The following WDPCP variants were observed in gnomAD, a reference collection of about 807,000 sequenced individuals.
The protein encoded by WDPCP is WD repeat-containing and planar cell polarity effector protein fritz homolog.
Under a neutral mutation model 93.1 loss-of-function variants are expected in WDPCP, and 71 were observed. That is an observed-to-expected ratio of 0.76 (90% CI 0.63 to 0.93). The LOEUF (loss-of-function observed/expected upper bound fraction) is 0.93. Ranked by LOEUF, WDPCP falls within the 40% of genes least tolerant of loss-of-function variation. The pLI is 0.00. For synonymous variants in WDPCP, 315 were observed against 315.0 expected, an observed-to-expected ratio of 1.00 and a Z score of 0.00; for missense variants, 844 against 887.4, an observed-to-expected ratio of 0.95 and a Z score of 0.62.
chr2:63,755,952 G>T lies in WDPCP; in HGVS notation n.308+57670C>A, dbSNP rs115823195. ...GGTCAGAGACCAGGTAATTCTCATT[G>T]CATTTCCTATTAAAACAGTAAAATC... On this transcript the variant is annotated intron_variant and non_coding_transcript_variant, in intron 2 of 4. Coordinates refer to the WDPCP transcript ENST00000467687. Among the ~76,000 whole-genome samples the T allele has an allele frequency of 3.0e-3, 456 of 152,300 alleles. 4 individuals are homozygous for T. The highest frequency in any genetic ancestry group is 0.01 in the African/African-American group (434 of 41,574).
chr2:63,474,273 C>G (rs1158355742), intron 6 of WDPCP, among the ~76,000 whole-genome samples: 2 of 151,960 alleles, frequency 1.3e-5, no homozygotes, highest in Non-Finnish European at 2.9e-5. Flanking sequence ...TAATTTTACA[C>G]ACATAAATAC....
intron 6 of WDPCP, among the ~76,000 whole-genome samples, chr2:63,467,229 C>T (rs539001402): frequency 1.6e-4 from 25 of 152,272 alleles, no homozygotes; most frequent in Admixed American, 2.6e-4. Flanking sequence ...CCTGTAATCC[C>T]AGCACTTTGG....
At chr2:63,390,585 C>A (rs1248632273) in intron 10 of WDPCP, among the ~76,000 whole-genome samples, 2 of 152,086 alleles carry the variant, frequency 1.3e-5, no homozygotes, top group East Asian at 1.9e-4. Flanking sequence ...CACAAAAAAA[C>A]CTTTCAAAAA....
the WDPCP span, among the ~76,000 whole-genome samples, chr2:63,839,343 A>G: frequency 3.9e-4 from 60 of 152,258 alleles, no homozygotes; most frequent in Non-Finnish European, 7.4e-4. Flanking sequence ...GCGGATCACA[A>G]GGTCAGGGGT....
At chr2:63,594,608 T>A (rs1004122759) in intron 3 of WDPCP, 14 of 1,503,808 alleles carry the variant, frequency 9.3e-6, no homozygotes, top group Non-Finnish European at 1.3e-5. Context: ...TGTCTATAAA[T>A]CTTAAGTTAT....
intron 13 of WDPCP, among the ~76,000 whole-genome samples, chr2:63,278,959 C>G (rs1683294793): frequency 6.6e-6 from 1 of 152,058 alleles, no homozygotes; most frequent in South Asian, 2.1e-4. Flanking sequence ...AAACTCTGAA[C>G]AGACCAATAA....
intron 14 of WDPCP, among the ~76,000 whole-genome samples, chr2:63,182,685 A>G (rs1014335940): frequency 2.0e-5 from 3 of 151,450 alleles, no homozygotes; most frequent in Non-Finnish European, 2.9e-5. Flanking sequence ...TTCCCTTCTC[A>G]TTGAAGTTTT....
intron 2 of WDPCP, among the ~76,000 whole-genome samples, chr2:63,770,577 G>A (rs188621434): frequency 6.6e-6 from 1 of 151,992 alleles, no homozygotes; most frequent in East Asian, 1.9e-4. Context: ...AAATTATAGT[G>A]GTGTGAATCA....
intron 17 of WDPCP, among the ~76,000 whole-genome samples, chr2:63,123,828 C>G (rs1669708978): frequency 6.6e-6 from 1 of 151,210 alleles, no homozygotes; most frequent in Non-Finnish European, 1.5e-5. Flanking sequence ...CTCTTTTTCT[C>G]CACGTTTTAT....
At chr2:63,164,915 G>A (rs1414867879) in intron 15 of WDPCP, among the ~76,000 whole-genome samples, 1 of 151,972 alleles carries the variant, frequency 6.6e-6, no homozygotes, top group African/African-American at 2.4e-5. Flanking sequence ...GAAATTACAA[G>A]GGTATTAAAA....
chr2:63,303,298 G>A (rs942289737), intron 13 of WDPCP, among the ~76,000 whole-genome samples: 1 of 152,078 alleles, frequency 6.6e-6, no homozygotes, highest in Non-Finnish European at 1.5e-5. Context: ...GTACCAAATG[G>A]GGAAATAAAA....
intron 14 of WDPCP, among the ~76,000 whole-genome samples, chr2:63,213,609 G>A (rs920820570): frequency 6.6e-6 from 1 of 152,042 alleles, no homozygotes; most frequent in Non-Finnish European, 1.5e-5. Flanking sequence ...CACAAGGCAA[G>A]AAATAACTAA....
chr2:63,176,393 T>C (rs985242219), intron 14 of WDPCP, among the ~76,000 whole-genome samples: 6 of 152,042 alleles, frequency 3.9e-5, no homozygotes, highest in African/African-American at 1.4e-4. Flanking sequence ...ACTACAGGTG[T>C]GTACCACAAT....
chr2:63,837,628 A>C, the WDPCP span, among the ~76,000 whole-genome samples: 4 of 152,216 alleles, frequency 2.6e-5, no homozygotes, highest in Admixed American at 6.5e-5. Flanking sequence ...AACAATTCCT[A>C]CACCACTCCT....
upstream of WDPCP, chr2:63,588,729 C>T (rs192157991): frequency 8.0e-6 from 4 of 497,924 alleles, no homozygotes; most frequent in Admixed American, 6.5e-5. Flanking sequence ...CCAAACCATC[C>T]GTTTGTTGTC....
chr2:63,147,443 G>C (rs1671593102), intron 17 of WDPCP, among the ~76,000 whole-genome samples: 1 of 152,174 alleles, frequency 6.6e-6, no homozygotes, highest in Non-Finnish European at 1.5e-5. Context: ...GTGGGTTATA[G>C]AGAATCAAGA....
At chr2:63,509,751 C>G (rs1461371536) in intron 1 of WDPCP, among the ~76,000 whole-genome samples, 2 of 152,108 alleles carry the variant, frequency 1.3e-5, no homozygotes, top group African/African-American at 2.4e-5. Context: ...AAGGGAAGAT[C>G]ACTACTGATC....
chr2:63,249,511 G>A (rs1194118630), intron 14 of WDPCP, among the ~76,000 whole-genome samples: 1 of 152,134 alleles, frequency 6.6e-6, no homozygotes, highest in African/African-American at 2.4e-5. Context: ...CAGTGATCAT[G>A]GGTTTTGGCA....
rs550398409 is a variant in WDPCP at position 63,160,645 on chromosome 2, T to A, written c.2079-7071A>T. ...CATTTACTCTGCCTTTCGAGGTAAC[T>A]GAATAGTTGATAAGGAAACTTTTAT... On this transcript the variant is annotated intron_variant, in intron 15 of 17. Coordinates refer to ENST00000272321, the MANE Select transcript of WDPCP (RefSeq NM_015910.7). Among the ~76,000 whole-genome samples the A allele has an allele frequency of 4.3e-4, 66 of 152,332 alleles. 1 individual carries two copies. In the South Asian group the frequency reaches 0.013, roughly 31 times the overall value.
Sources: gnomAD v4.1 joint callset for allele counts (sites outside exome capture counted in the v4.1 genomes callset) on GRCh38, gnomAD v4.1.1 for gene constraint, MANE v1.5 for transcripts, NCBI Gene and HGNC (gene_info 2026-07-23, HGNC 2026-07-21) for gene names.